METTL15: variants seen among roughly 807,000 people sequenced by gnomAD.
The protein encoded by METTL15 is methyltransferase 15, mitochondrial 12S rRNA N4-cytidine.
Under a neutral mutation model 38.3 loss-of-function variants are expected in METTL15, and 34 were observed. That is an observed-to-expected ratio of 0.89 (90% CI 0.68 to 1.18). The LOEUF is 1.18. Ranked by LOEUF, METTL15 falls within the 50% of genes most tolerant of loss-of-function variation. The pLI, the probability that METTL15 is intolerant of heterozygous loss-of-function variation, is 0.00. For synonymous variants in METTL15, 162 were observed against 170.9 expected, an observed-to-expected ratio of 0.95 and a Z score of 0.41; for missense variants, 438 against 498.4, an observed-to-expected ratio of 0.88 and a Z score of 1.15.
intron 6 of METTL15, among the ~76,000 whole-genome samples, chr11:28,435,074 C>T (rs1296209459): frequency 6.6e-6 from 1 of 152,166 alleles, no homozygotes; most frequent in Non-Finnish European, 1.5e-5. Context: ...CCTGTGTCCC[C>T]TAATTTGCTC....
intron 2 of METTL15, among the ~76,000 whole-genome samples, chr11:28,113,004 G>C (rs1851779836): frequency 6.6e-6 from 1 of 152,088 alleles, no homozygotes; most frequent in East Asian, 1.9e-4. Context: ...AAAAAAGTAT[G>C]TTTCATAAAA....
chr11:28,148,201 T>A (rs1849955929), intron 3 of METTL15, among the ~76,000 whole-genome samples: 1 of 151,906 alleles, frequency 6.6e-6, no homozygotes. Flanking sequence ...ATGTTTAGAG[T>A]TTCATTAAAG....
chr11:28,210,974 T>C, intron 3 of METTL15, 88 bp from the exon 4 acceptor site: 1 of 1,355,806 alleles, frequency 7.4e-7, no homozygotes, highest in Non-Finnish European at 1.0e-6. Flanking sequence ...AGTCTGAAAA[T>C]CATTGTGTGC....
chr11:28,152,854 G>GATTATATCC (rs1175971227), intron 3 of METTL15, among the ~76,000 whole-genome samples: 1 of 152,008 alleles, frequency 6.6e-6, no homozygotes, highest in Admixed American at 6.6e-5. Flanking sequence ...GTTATTTCTA[G>GATTATATCC]ATTATATCCT....
chr11:28,286,975 ACT>A (rs1856291043), intron 4 of METTL15, among the ~76,000 whole-genome samples: 1 of 149,422 alleles, frequency 6.7e-6, no homozygotes, highest in South Asian at 2.1e-4. Context: ...ATATATATGT[ACT>A]CTCCACACTA....
At chr11:28,256,809 T>A (rs912818958) in intron 4 of METTL15, among the ~76,000 whole-genome samples, 4 of 152,118 alleles carry the variant, frequency 2.6e-5, no homozygotes, top group African/African-American at 9.7e-5. Flanking sequence ...TTATTTGAAG[T>A]TTCTCCTCTT....
chr11:28,192,640 G>A (rs1851740292), intron 3 of METTL15, among the ~76,000 whole-genome samples: 1 of 152,050 alleles, frequency 6.6e-6, no homozygotes, highest in African/African-American at 2.4e-5. Context: ...AGAATTCACT[G>A]TTGAAGCTAT....
intron 4 of METTL15, among the ~76,000 whole-genome samples, chr11:28,354,203 C>T (rs1320393665): frequency 2.0e-5 from 3 of 152,158 alleles, no homozygotes; most frequent in African/African-American, 7.2e-5. Flanking sequence ...CAAAAGCACT[C>T]CCATAGAGCA....
chr11:28,484,172 T>A (rs768474650), intron 6 of METTL15, among the ~76,000 whole-genome samples: 10 of 152,222 alleles, frequency 6.6e-5, no homozygotes, highest in Non-Finnish European at 1.2e-4. Context: ...TATTCTAGGT[T>A]CTTTACTTTT....
chr11:28,262,015 A>AGGCAGT (rs1249020870), intron 4 of METTL15, among the ~76,000 whole-genome samples: 60 of 152,194 alleles, frequency 3.9e-4, no homozygotes, highest in Non-Finnish European at 2.5e-4. Flanking sequence ...ATCTAAACCA[A>AGGCAGT]GGCAGTCTGG....
intron 6 of METTL15, among the ~76,000 whole-genome samples, chr11:28,301,110 A>G (rs576625205): frequency 2.0e-5 from 3 of 152,258 alleles, no homozygotes; most frequent in African/African-American, 7.2e-5. Flanking sequence ...AACTTCCTCC[A>G]TGAACTGGCT....
chr11:28,177,341 T>G (rs1851115060), intron 3 of METTL15, among the ~76,000 whole-genome samples: 1 of 152,006 alleles, frequency 6.6e-6, no homozygotes, highest in African/African-American at 2.4e-5. Flanking sequence ...AAAAAGTACT[T>G]GGCCTGAAAT....
intron 3 of METTL15, among the ~76,000 whole-genome samples, chr11:28,198,633 A>G (rs377740959): frequency 1.3e-5 from 2 of 152,152 alleles, no homozygotes; most frequent in African/African-American, 4.8e-5. Context: ...ATAAGCCCAT[A>G]TAATAGTTAC....
chr11:28,377,698 G>T (rs1850333161), intron 5 of METTL15, among the ~76,000 whole-genome samples: 2 of 152,202 alleles, frequency 1.3e-5, no homozygotes, highest in Admixed American at 6.5e-5. Context: ...TCCTTTGCTG[G>T]TGAGGAGCTG....
intron 3 of METTL15, among the ~76,000 whole-genome samples, chr11:28,339,498 T>C (rs1015859886): frequency 4.0e-5 from 6 of 148,780 alleles, no homozygotes; most frequent in Non-Finnish European, 5.9e-5. Flanking sequence ...GAAGGAAATA[T>C]CTAGAGTAAA....
At chr11:28,497,393 T>C (rs968206975) in intron 6 of METTL15, among the ~76,000 whole-genome samples, 1 of 152,192 alleles carries the variant, frequency 6.6e-6, no homozygotes, top group Admixed American at 6.5e-5. Context: ...TGCTCCAAAA[T>C]GGGAAAGAAT....
chr11:28,321,024 G>A (rs1849448253), intron 6 of METTL15, among the ~76,000 whole-genome samples: 1 of 152,088 alleles, frequency 6.6e-6, no homozygotes, highest in Non-Finnish European at 1.5e-5. Context: ...TGCTTCAGGG[G>A]TTTTCAATAG....
intron 3 of METTL15, among the ~76,000 whole-genome samples, chr11:28,149,726 G>A (rs1174731968): frequency 6.6e-6 from 1 of 151,638 alleles, no homozygotes; most frequent in Non-Finnish European, 1.5e-5. Flanking sequence ...AACCGAACTG[G>A]TATATGACTT....
At chr11:28,449,895 G>A (rs1851106376) in intron 6 of METTL15, among the ~76,000 whole-genome samples, 1 of 152,156 alleles carries the variant, frequency 6.6e-6, no homozygotes, top group South Asian at 2.1e-4. Context: ...GAAAAAGTCA[G>A]TTTGAAAATG....
Sources: allele counts gnomAD v4.1 joint callset (sites outside exome capture counted in the v4.1 genomes callset), GRCh38; gene constraint gnomAD v4.1.1; transcripts MANE v1.5; gene names NCBI Gene and HGNC (gene_info 2026-07-23, HGNC 2026-07-21).